Variants in NCOA2 observed in about 807,000 individuals in gnomAD.
NCOA2 encodes the protein nuclear receptor coactivator 2, also known as class E basic helix-loop-helix protein 75.
In NCOA2, 21 loss-of-function variants were observed where a neutral mutation model predicts 145.1. That is an observed-to-expected ratio of 0.14 (90% CI 0.10 to 0.21). NCOA2 has a LOEUF of 0.21. Among genes scored for constraint, NCOA2 ranks in the 10% least tolerant of loss-of-function variants. The pLI, the probability that NCOA2 is intolerant of heterozygous loss-of-function variation, is 1.00. For synonymous variants in NCOA2, 619 were observed against 637.5 expected (o/e 0.97, Z 0.44); for missense variants, 1,472 against 1,837.6 (o/e 0.80, Z 3.64).
At chr8:70,176,495 C>G (rs9886465) in intron 4 of NCOA2, among the ~76,000 whole-genome samples, 94,614 of 151,994 alleles carry the variant, frequency 0.62, 31,876 homozygotes, top group Non-Finnish European at 0.76. Flanking sequence ...ATTCCTCAGC[C>G]GGTCCCTTCT....
chr8:70,116,941 T>C (rs942666199), intron 22 of NCOA2, among the ~76,000 whole-genome samples: 8 of 152,182 alleles, frequency 5.3e-5, no homozygotes, highest in East Asian at 1.9e-4. Flanking sequence ...TCATAGCTCA[T>C]TGCAGCCTAG....
chr8:70,153,540 T>C (rs1811975840), intron 11 of NCOA2, among the ~76,000 whole-genome samples: 1 of 152,146 alleles, frequency 6.6e-6, no homozygotes, highest in Non-Finnish European at 1.5e-5. Context: ...AGGCCTAGGA[T>C]AGAAATAAAT....
At position 70,131,829 on chromosome 8, in the gene NCOA2, G is replaced by A. The variant is rs368151643; in HGVS notation, c.3324+8C>T. ...CTTGGCCCCCACCTGCTGCCCTTCC[G>A]CGCATACCTGGCTGACCAGTTCGGG... On this transcript the variant is annotated splice_region_variant and intron_variant, in intron 16 of 22. Transcript: ENST00000452400. 2.7e-5 allele frequency: 43 copies of A among 1,579,650 alleles called. No individual in the cohort carries two copies. Among genetic ancestry groups the A allele is most frequent in the East Asian group, 1.4e-4 (6 of 42,826 alleles).
At chr8:70,223,980 T>C (rs556195217) in intron 2 of NCOA2, among the ~76,000 whole-genome samples, 2 of 152,252 alleles carry the variant, frequency 1.3e-5, no homozygotes, top group Admixed American at 6.5e-5. Flanking sequence ...ACAGTATCAC[T>C]GTGAAATGTA....
At chr8:70,188,487 T>C (rs1816322974) in intron 4 of NCOA2, among the ~76,000 whole-genome samples, 2 of 152,276 alleles carry the variant, frequency 1.3e-5, no homozygotes, top group Middle Eastern at 3.4e-3. Flanking sequence ...TGAGACTTAA[T>C]AAAATAATGC....
At position 70,166,649 on chromosome 8, in the gene NCOA2, T is replaced by C. The variant is rs1813648753; in HGVS notation, c.647A>G (p.Asp216Gly). The part of the protein sequence containing the change: ...PLPDSEEEGH[D>G]NQEAHQKYET... Reference sequence around the variant, plus strand: ...ATATTTCTGATGAGCTTCCTGGTTATCATGACCCTCCTCTTCTGAATCAGG... The same window carrying C: ...ATATTTCTGATGAGCTTCCTGGTTACCATGACCCTCCTCTTCTGAATCAGG... Residue 216 changes from aspartate to glycine, a missense_variant, in exon 7 of 23, where the codon GAT becomes GGT. By Grantham distance (94) the Asp-to-Gly change is moderately conservative. Transcript: ENST00000452400. 6.2e-7 allele frequency: 1 copy of C among 1,613,890 alleles called. No individual in the cohort carries two copies. The highest frequency in any genetic ancestry group is 1.7e-5 in the Admixed American group (1 of 60,002).
chr8:70,139,115 T>A (rs1010157094), intron 14 of NCOA2, among the ~76,000 whole-genome samples: 5 of 152,226 alleles, frequency 3.3e-5, no homozygotes, highest in Non-Finnish European at 7.3e-5. Flanking sequence ...CCACAAGCAC[T>A]CTTTCTCCGA....
chr8:70,342,722 TA>T (rs1185035882), intron 1 of NCOA2, among the ~76,000 whole-genome samples: 1 of 145,332 alleles, frequency 6.9e-6, no homozygotes, highest in Non-Finnish European at 1.5e-5. Context: ...TTTTTTTTTT[TA>T]AAAAGGACTT....
At position 70,341,028 on chromosome 8, in the gene NCOA2, A is replaced by C. The variant is rs1808083499; in HGVS notation, c.-76-44228T>G. On this transcript the variant is annotated intron_variant, in intron 1 of 22. Coordinates refer to ENST00000452400, the MANE Select transcript of NCOA2 (RefSeq NM_006540.4). Reference sequence around the variant, plus strand: ...TGGCAAACTACCACGGCAGATGTTTACCTATGTAACAAAACTGTACATCCT... The same window carrying C: ...TGGCAAACTACCACGGCAGATGTTTCCCTATGTAACAAAACTGTACATCCT... 2.0e-5 allele frequency among the ~76,000 whole-genome samples: 3 copies of C among 151,000 alleles called. No individual in the cohort carries two copies. The South Asian group carries it at 6.3e-4, about 32-fold the overall frequency.
the NCOA2 span, among the ~76,000 whole-genome samples, chr8:70,452,021 C>A: frequency 2.6e-5 from 4 of 152,194 alleles, no homozygotes; most frequent in African/African-American, 7.2e-5. Context: ...GTTGCCCAGG[C>A]TGGAATGCAG....
intron 1 of NCOA2, among the ~76,000 whole-genome samples, chr8:70,349,100 G>A (rs566750875): frequency 5.9e-5 from 9 of 152,162 alleles, no homozygotes; most frequent in African/African-American, 1.7e-4. Flanking sequence ...AGGTTATTCA[G>A]TTCACTGGAA....
At chr8:70,352,002 TTTACAA>T (rs756595088) in intron 1 of NCOA2, among the ~76,000 whole-genome samples, 2 of 152,012 alleles carry the variant, frequency 1.3e-5, no homozygotes, top group Non-Finnish European at 2.9e-5. Flanking sequence ...GAAGCAATCT[TTTACAA>T]TTATGCTTTT....
intron 9 of NCOA2, among the ~76,000 whole-genome samples, chr8:70,160,891 T>G (rs1646424983): frequency 6.6e-6 from 1 of 152,238 alleles, no homozygotes; most frequent in Admixed American, 6.5e-5. Context: ...TATCTTGCTT[T>G]GCACAAAGTG....
chr8:70,382,892 AAT>A (rs1199940801), intron 1 of NCOA2, among the ~76,000 whole-genome samples: 1 of 152,226 alleles, frequency 6.6e-6, no homozygotes, highest in African/African-American at 2.4e-5. Context: ...TAAAAGCTCA[AAT>A]ATGAGTTGAT....
At chr8:70,300,421 G>C (rs114414142) in intron 1 of NCOA2, among the ~76,000 whole-genome samples, 5 of 152,168 alleles carry the variant, frequency 3.3e-5, no homozygotes, top group African/African-American at 4.8e-5. Flanking sequence ...CAGTTTCCGC[G>C]TGAGTAGGGA....
intron 1 of NCOA2, among the ~76,000 whole-genome samples, chr8:70,345,157 C>A (rs1808502162): frequency 6.6e-6 from 1 of 152,252 alleles, no homozygotes; most frequent in South Asian, 2.1e-4. Context: ...GGTTACTCCC[C>A]AGGGGTAAAC....
At chr8:70,397,842 C>T (rs1450978632) in intron 1 of NCOA2, among the ~76,000 whole-genome samples, 2 of 152,192 alleles carry the variant, frequency 1.3e-5, no homozygotes, top group Non-Finnish European at 2.9e-5. Flanking sequence ...ACCCCATTTT[C>T]AGGGAAAAGA....
intron 4 of NCOA2, among the ~76,000 whole-genome samples, chr8:70,204,363 C>T (rs1449788157): frequency 6.6e-6 from 1 of 152,122 alleles, no homozygotes; most frequent in African/African-American, 2.4e-5. Context: ...TTCATCCTTA[C>T]AAAAACAAAC....
At chr8:70,217,564 C>T (rs1380560853) in intron 2 of NCOA2, among the ~76,000 whole-genome samples, 1 of 152,096 alleles carries the variant, frequency 6.6e-6, no homozygotes, top group Non-Finnish European at 1.5e-5. Context: ...CTTTACTGAC[C>T]CCCAAGTGGG....
Sources: allele counts gnomAD v4.1 joint callset (sites outside exome capture counted in the v4.1 genomes callset), GRCh38; gene constraint gnomAD v4.1.1; transcripts MANE v1.5; gene names NCBI Gene and HGNC (gene_info 2026-07-23, HGNC 2026-07-21).